Variants in MIR2052HG observed in about 807,000 individuals in gnomAD.
MIR2052HG encodes the protein MIR2052 host gene.
intron 4 of MIR2052HG, among the ~76,000 whole-genome samples, chr8:74,747,230 A>T (rs1236110738): frequency 1.3e-5 from 2 of 152,180 alleles, no homozygotes; most frequent in Admixed American, 1.3e-4. Flanking sequence ...ACTATGTCTT[A>T]GGCTTCTCAT....
chr8:74,617,463 GTGTGT>G (rs1808301026), intron 2 of MIR2052HG, among the ~76,000 whole-genome samples: 39 of 21,060 alleles, frequency 1.9e-3, no homozygotes, highest in African/African-American at 8.3e-3. Context: ...TTGGGTGTGT[GTGTGT>G]GTGTGTGTGT....
intron 2 of MIR2052HG, among the ~76,000 whole-genome samples, chr8:74,640,498 G>A (rs1834449): frequency 0.63 from 92,554 of 147,290 alleles, 29,352 homozygotes; most frequent in East Asian, 0.77. Context: ...AAGAGTGGGC[G>A]CTGATGCTCT....
chr8:74,650,587 T>A (rs1224295507), intron 2 of MIR2052HG, among the ~76,000 whole-genome samples: 3 of 152,174 alleles, frequency 2.0e-5, no homozygotes, highest in African/African-American at 4.8e-5. Flanking sequence ...TGTGGTGCGA[T>A]AGATGAGTAT....
intron 2 of MIR2052HG, among the ~76,000 whole-genome samples, chr8:74,673,070 A>C (rs1809009760): frequency 6.6e-6 from 1 of 152,118 alleles, no homozygotes; most frequent in Non-Finnish European, 1.5e-5. Flanking sequence ...CAGTTAGTAA[A>C]GAAAGAAGAG....
intron 5 of MIR2052HG, among the ~76,000 whole-genome samples, chr8:74,754,859 C>T (rs1809983465): frequency 1.3e-5 from 2 of 152,220 alleles, no homozygotes; most frequent in African/African-American, 2.4e-5. Flanking sequence ...TTATTTACAA[C>T]TCTCACTACA....
At chr8:74,657,064 A>G (rs1465598845) in intron 2 of MIR2052HG, among the ~76,000 whole-genome samples, 3 of 152,220 alleles carry the variant, frequency 2.0e-5, no homozygotes, top group Non-Finnish European at 4.4e-5. Flanking sequence ...GCAAGTCTGC[A>G]AACTCGTACA....
intron 2 of MIR2052HG, among the ~76,000 whole-genome samples, chr8:74,666,301 C>T (rs1207109168): frequency 2.0e-5 from 3 of 152,142 alleles, no homozygotes; most frequent in Non-Finnish European, 2.9e-5. Flanking sequence ...TTAAAACCTG[C>T]CAATGTCTTT....
intron 4 of MIR2052HG, among the ~76,000 whole-genome samples, chr8:74,744,690 G>A (rs1809866377): frequency 6.6e-6 from 1 of 152,116 alleles, no homozygotes; most frequent in Non-Finnish European, 1.5e-5. Flanking sequence ...ATTCCATGGT[G>A]TATATGTGCC....
At chr8:74,727,174 A>C (rs1253553675) in intron 4 of MIR2052HG, among the ~76,000 whole-genome samples, 1 of 152,230 alleles carries the variant, frequency 6.6e-6, no homozygotes, top group Non-Finnish European at 1.5e-5. Context: ...TTAAATTTTA[A>C]GTTAAAATCT....
intron 1 of MIR2052HG, among the ~76,000 whole-genome samples, chr8:74,609,298 G>A (rs113913749): frequency 1.3e-5 from 2 of 152,062 alleles, no homozygotes; most frequent in African/African-American, 4.8e-5. Flanking sequence ...TAGTTGAATT[G>A]TAGTTAAAAA....
intron 1 of MIR2052HG, among the ~76,000 whole-genome samples, chr8:74,601,521 T>G (rs1400637999): frequency 6.6e-6 from 1 of 152,236 alleles, no homozygotes; most frequent in Admixed American, 6.5e-5. Flanking sequence ...GGAGTAAATC[T>G]CTCTCAGTTC....
At chr8:74,608,203 GC>G (rs1188205038) in intron 1 of MIR2052HG, among the ~76,000 whole-genome samples, 7 of 151,154 alleles carry the variant, frequency 4.6e-5, no homozygotes, top group African/African-American at 1.7e-4. Flanking sequence ...CTGCTCTAGA[GC>G]TTCTAAGCAC....
At chr8:74,613,930 A>G (rs140757355) in intron 2 of MIR2052HG, among the ~76,000 whole-genome samples, 1 of 152,376 alleles carries the variant, frequency 6.6e-6, no homozygotes, top group East Asian at 1.9e-4. Flanking sequence ...TTAGATATTT[A>G]CATGAATTTA....
chr8:74,719,488 T>C (rs1809552470), intron 4 of MIR2052HG, among the ~76,000 whole-genome samples: 1 of 152,168 alleles, frequency 6.6e-6, no homozygotes, highest in African/African-American at 2.4e-5. Flanking sequence ...CTTTAGGCAT[T>C]ACAATTCCCA....
At chr8:74,690,772 C>T (rs543070533) in intron 2 of MIR2052HG, among the ~76,000 whole-genome samples, 7 of 152,166 alleles carry the variant, frequency 4.6e-5, no homozygotes, top group Non-Finnish European at 7.4e-5. Flanking sequence ...GAAGTTTAGG[C>T]GGTATCTTGA....
At chr8:74,630,538 A>AAG (rs1808495562) in intron 2 of MIR2052HG, among the ~76,000 whole-genome samples, 1 of 149,672 alleles carries the variant, frequency 6.7e-6, no homozygotes, top group Non-Finnish European at 1.5e-5. Context: ...GAAAAAAAAA[A>AAG]AAAAAAGAAA....
intron 4 of MIR2052HG, among the ~76,000 whole-genome samples, chr8:74,733,154 A>G (rs1461075058): frequency 6.6e-6 from 1 of 152,018 alleles, no homozygotes; most frequent in East Asian, 1.9e-4. Context: ...ATATGTATAC[A>G]TGTGCCATGC....
intron 2 of MIR2052HG, among the ~76,000 whole-genome samples, chr8:74,626,105 G>A (rs1015452241): frequency 6.6e-6 from 1 of 152,118 alleles, no homozygotes; most frequent in Non-Finnish European, 1.5e-5. Context: ...TGCAGCACTG[G>A]ACAACAGCTG....
At chr8:74,644,527 C>T (rs375657035) in intron 2 of MIR2052HG, among the ~76,000 whole-genome samples, 8 of 152,060 alleles carry the variant, frequency 5.3e-5, no homozygotes, top group Non-Finnish European at 1.2e-4. Flanking sequence ...AGAAAATATC[C>T]GTTTCGTTAA....
Sources: gnomAD v4.1 joint callset for allele counts (sites outside exome capture counted in the v4.1 genomes callset) on GRCh38, gnomAD v4.1.1 for gene constraint, MANE v1.5 for transcripts, NCBI Gene and HGNC (gene_info 2026-07-23, HGNC 2026-07-21) for gene names.